KITLG: variants seen among roughly 807,000 people sequenced by gnomAD.
KITLG encodes c-Kit ligand.
A neutral mutation model predicts 34.1 loss-of-function variants in KITLG; 13 were observed. That is an observed-to-expected ratio of 0.38 (90% CI 0.25 to 0.61). The LOEUF is 0.61. KITLG is among the 20% of genes least tolerant of loss of function. KITLG has a pLI of 0.60. For missense variants in KITLG, 292 were observed against 318.9 expected (o/e 0.92, Z 0.64); for synonymous variants, 110 against 104.0 (o/e 1.06, Z -0.35).
At chr12:88,509,120 C>T (rs1869180056) in intron 6 of KITLG, among the ~76,000 whole-genome samples, 1 of 152,084 alleles carries the variant, frequency 6.6e-6, no homozygotes, top group African/African-American at 2.4e-5. Context: ...AATCAATGTA[C>T]ACAGAGAGAA....
rs1868617967 is a variant in KITLG, at chr12:88,495,802, C to T, written c.*1417G>A. ...AGTTAGAATGGAAAGCTTTGGATTC[C>T]TTTATGTGTACATTCAAGACATGTT... is the stretch of plus-strand genomic sequence containing the variant. On this transcript the variant is annotated 3_prime_UTR_variant, in exon 10 of 10. Coordinates refer to ENST00000644744, the MANE Select transcript of KITLG (RefSeq NM_000899.5). The T allele has an allele frequency of 6.6e-6, 1 of 152,180 alleles. No homozygotes were observed. The highest frequency in any genetic ancestry group is 2.1e-4 in the South Asian group (1 of 4,822). The allele number at this position is 152,180 out of a possible 1,614,324, so 9.4% of individuals were successfully genotyped here.
intron 1 of KITLG, among the ~76,000 whole-genome samples, chr12:88,559,270 G>C (rs557506681): frequency 3.9e-5 from 6 of 152,138 alleles, no homozygotes; most frequent in African/African-American, 1.4e-4. Context: ...CCAATTAGGC[G>C]TGACTGCAAG....
At chr12:88,497,777 A>G (rs1287277927) in intron 9 of KITLG, among the ~76,000 whole-genome samples, 5 of 152,202 alleles carry the variant, frequency 3.3e-5, no homozygotes, top group African/African-American at 1.2e-4. Context: ...AATGGCCACC[A>G]ACAAGTAATA....
chr12:88,518,997 A>C, intron 3 of KITLG, 130 bp from the exon 4 acceptor site: 1 of 786,292 alleles, frequency 1.3e-6, no homozygotes, highest in Non-Finnish European at 2.1e-6. Context: ...CGAGTAGCTC[A>C]GATTACAAGT....
intron 9 of KITLG, among the ~76,000 whole-genome samples, chr12:88,503,460 C>G (rs539478461): frequency 1.2e-4 from 19 of 152,022 alleles, no homozygotes; most frequent in Non-Finnish European, 2.4e-4. Context: ...AGGGAATGCA[C>G]AGAAGAAATG....
intron 3 of KITLG, among the ~76,000 whole-genome samples, chr12:88,524,704 C>G (rs1869800847): frequency 6.6e-6 from 1 of 151,954 alleles, no homozygotes; most frequent in Non-Finnish European, 1.5e-5. Context: ...TTAATATAAT[C>G]ACTTATTAGG....
chr12:88,521,898 T>C (rs1409059788), intron 3 of KITLG, among the ~76,000 whole-genome samples: 1 of 152,156 alleles, frequency 6.6e-6, no homozygotes, highest in African/African-American at 2.4e-5. Flanking sequence ...TCTATCCCTA[T>C]GTACTTATAA....
At chr12:88,560,382 C>T (rs900700997) in intron 1 of KITLG, among the ~76,000 whole-genome samples, 2 of 152,124 alleles carry the variant, frequency 1.3e-5, no homozygotes, top group Non-Finnish European at 2.9e-5. Flanking sequence ...CACAATACAA[C>T]CCATTTTTTA....
intron 3 of KITLG, among the ~76,000 whole-genome samples, chr12:88,527,366 C>G (rs1183606212): frequency 6.6e-6 from 1 of 151,780 alleles, no homozygotes; most frequent in Non-Finnish European, 1.5e-5. Flanking sequence ...TGGAAAGAGC[C>G]CAGAGGTAAG....
Position 88,514,228 on chromosome 12 carries a change from G to A in KITLG, c.604+1306C>T, listed in dbSNP as rs186066096. ...TAAGTGCTTGTAATTAGCAAAAATAGTTTAAAATCAATGATCTAATTTTTC... is the reference window on the plus strand; with the variant it reads ...TAAGTGCTTGTAATTAGCAAAAATAATTTAAAATCAATGATCTAATTTTTC... On this transcript the variant is annotated intron_variant, in intron 6 of 9. Transcript: ENST00000644744. Among the ~76,000 whole-genome samples, 5 of 151,734 alleles carry A rather than the reference G, an allele frequency of 3.3e-5. No homozygotes were observed. In the East Asian group the frequency reaches 9.6e-4, roughly 29 times the overall value.
At chr12:88,503,983 C>A (rs1868956464) in intron 9 of KITLG, among the ~76,000 whole-genome samples, 1 of 152,076 alleles carries the variant, frequency 6.6e-6, no homozygotes, top group Admixed American at 6.6e-5. Flanking sequence ...AGTGGTCACA[C>A]CTAAATAAAA....
At chr12:88,553,646 C>T (rs541904466) in intron 1 of KITLG, among the ~76,000 whole-genome samples, 5 of 152,210 alleles carry the variant, frequency 3.3e-5, no homozygotes, top group South Asian at 2.1e-4. Flanking sequence ...AAGTGTCCCC[C>T]GTTTATTCCC....
chr12:88,538,569 A>G (rs1015397888), intron 2 of KITLG, among the ~76,000 whole-genome samples: 1 of 152,044 alleles, frequency 6.6e-6, no homozygotes, highest in Non-Finnish European at 1.5e-5. Flanking sequence ...CAAAGAGAAA[A>G]CAGAGACAGA....
At chr12:88,554,290 C>T (rs1317983473) in intron 1 of KITLG, among the ~76,000 whole-genome samples, 2 of 152,058 alleles carry the variant, frequency 1.3e-5, no homozygotes, top group Non-Finnish European at 2.9e-5. Context: ...GAAAAAAAGC[C>T]TTTTTTTCTC....
chr12:88,499,864 A>G (rs556372520), intron 9 of KITLG, among the ~76,000 whole-genome samples: 1 of 152,234 alleles, frequency 6.6e-6, no homozygotes, highest in African/African-American at 2.4e-5. Flanking sequence ...CTCACATCTT[A>G]TTTAAAGACT....
intron 4 of KITLG, among the ~76,000 whole-genome samples, chr12:88,517,684 GAAAGAGTGGTTAAC>G (rs1345122748): frequency 1.3e-5 from 2 of 152,118 alleles, no homozygotes; most frequent in Admixed American, 6.6e-5. Flanking sequence ...GTAGTAATAT[GAAAGAGTGGTTAAC>G]ACCACATTCT....
chr12:88,539,664 G>A (rs903464483), intron 2 of KITLG, among the ~76,000 whole-genome samples: 3 of 152,140 alleles, frequency 2.0e-5, no homozygotes, highest in Admixed American at 6.6e-5. Flanking sequence ...GTTCATACCT[G>A]TAATCCTACT....
At chr12:88,544,972 A>G (rs889233131) in intron 2 of KITLG, among the ~76,000 whole-genome samples, 21 of 152,172 alleles carry the variant, frequency 1.4e-4, no homozygotes, top group African/African-American at 4.8e-4. Context: ...GTATTTAAAT[A>G]ACTAGGAATT....
At chr12:88,501,430 T>C (rs1265162583) in intron 9 of KITLG, among the ~76,000 whole-genome samples, 3 of 152,182 alleles carry the variant, frequency 2.0e-5, no homozygotes, top group Non-Finnish European at 4.4e-5. Context: ...ATTTCTGTCT[T>C]GGCATTTTTT....
Sources: allele counts gnomAD v4.1 joint callset (sites outside exome capture counted in the v4.1 genomes callset), GRCh38; gene constraint gnomAD v4.1.1; transcripts MANE v1.5; gene names NCBI Gene and HGNC (gene_info 2026-07-23, HGNC 2026-07-21).